The following DHDH variants were observed in gnomAD, a reference collection of about 807,000 sequenced individuals.
The protein encoded by DHDH is trans-1,2-dihydrobenzene-1,2-diol dehydrogenase.
A neutral mutation model predicts 33.2 loss-of-function variants in DHDH; 29 were observed. The observed-to-expected ratio is 0.87, with a 90% CI of 0.65 to 1.19. DHDH has a LOEUF of 1.19. Among genes scored for constraint, DHDH ranks in the 50% most tolerant of loss-of-function variants. The pLI, the probability that DHDH is intolerant of heterozygous loss-of-function variation, is 0.00. For missense variants in DHDH, 431 were observed against 455.0 expected (o/e 0.95, Z 0.48); for synonymous variants, 201 against 187.9 (o/e 1.07, Z -0.57).
chr19:48,939,782 A>G, intron 4 of DHDH, 81 bp downstream of exon 4: 1 of 1,497,344 alleles, frequency 6.7e-7, no homozygotes. Flanking sequence ...ACAAGTCTCC[A>G]AGTCAATGAG....
intron 3 of DHDH, among the ~76,000 whole-genome samples, chr19:48,936,706 A>C (rs2037781322): frequency 1.5e-5 from 2 of 137,842 alleles, no homozygotes; most frequent in Non-Finnish European, 3.1e-5. Context: ...AAACAAGAAA[A>C]AAAACAAACA....
chr19:48,935,149 C>A, intron 2 of DHDH, 38 bp downstream of exon 2: 2 of 1,485,024 alleles, frequency 1.3e-6, no homozygotes, highest in Non-Finnish European at 1.8e-6. Context: ...GGCCGCCGCC[C>A]CTGGAGCGGT....
At chr19:48,941,274 G>A (rs1243641221) in intron 4 of DHDH, among the ~76,000 whole-genome samples, 1 of 152,136 alleles carries the variant, frequency 6.6e-6, no homozygotes, top group Non-Finnish European at 1.5e-5. Context: ...GAGAATTCCT[G>A]ATGTGCAAGC....
At position 48,941,698 on chromosome 19, in the gene DHDH, G is replaced by A. The variant is rs187204157; in HGVS notation, c.620-742G>A. Among the ~76,000 whole-genome samples, 16 of 143,728 alleles carry A rather than the reference G, an allele frequency of 1.1e-4. No individual in the cohort carries two copies. The East Asian group carries it at 2.9e-3, about 26-fold the overall frequency. The allele number at this position is 143,728 out of a possible 152,430, so 94.3% of individuals were successfully genotyped here. ...GGCTTTTTTTTTTTTTTTTTGAGAC[G>A]GGGTCTCACTCTGTCACTTAGGCTG... is the stretch of plus-strand genomic sequence containing the variant. On this transcript the variant is annotated intron_variant, in intron 4 of 6. Coordinates refer to ENST00000221403, the MANE Select transcript of DHDH (RefSeq NM_014475.4).
intron 3 of DHDH, 55 bp from the exon 4 acceptor site, chr19:48,939,394 G>A (rs1387067435): frequency 1.9e-5 from 29 of 1,549,418 alleles, no homozygotes; most frequent in Admixed American, 1.5e-4. Flanking sequence ...CCTATGATTG[G>A]GACCCCAGAA....
At chr19:48,935,213 T>A in intron 2 of DHDH, 102 bp downstream of exon 2, 1 of 881,804 alleles carries the variant, frequency 1.1e-6, no homozygotes, top group Non-Finnish European at 1.6e-6. Context: ...GTCCAATCCC[T>A]TTGGGTTCCA....
At chr19:48,934,165 G>T (rs1261895545) in intron 1 of DHDH, among the ~76,000 whole-genome samples, 1 of 152,228 alleles carries the variant, frequency 6.6e-6, no homozygotes, top group African/African-American at 2.4e-5. Context: ...TTAGGGCTTT[G>T]CAGGATGTGC....
rs376016717 is a variant in DHDH at position 48,935,020 on chromosome 19, C to T, written c.111C>T (p.Arg37=). 11 of 1,572,286 alleles carry T rather than the reference C, an allele frequency of 7.0e-6. No individual in the cohort carries two copies. The highest frequency in any genetic ancestry group is 5.4e-5 in the African/African-American group (4 of 73,810). Residue 37 remains arginine, a synonymous_variant, in exon 2 of 7, where the codon CGC becomes CGT. Coordinates refer to ENST00000221403, the MANE Select transcript of DHDH (RefSeq NM_014475.4). ...TCCAGGTGGTGGCGGTGGCGGCCCG[C>T]GATCTGAGCCGTGCGAAGGAGTTTG... is the stretch of plus-strand genomic sequence containing the variant. ...SEHQVVAVAA[R]DLSRAKEFAQ...
rs375114469 is a variant in DHDH, at chr19:48,942,094, G to A, written c.620-346G>A. ...GCCATCTCGGCTCACTTCAAGCTCC[G>A]CCTCCCACGTTCACGCCATTCTCCT... On this transcript the variant is annotated intron_variant, in intron 4 of 6. Transcript: ENST00000221403. Among the ~76,000 whole-genome samples, 16 of 150,848 alleles carry A rather than the reference G, an allele frequency of 1.1e-4. 1 individual carries two copies. The East Asian group carries it at 2.4e-3, about 22-fold the overall frequency.
intron 1 of DHDH, 93 bp from the exon 2 acceptor site, chr19:48,934,907 C>T: frequency 9.9e-7 from 1 of 1,010,402 alleles, no homozygotes; most frequent in Non-Finnish European, 1.4e-6. Context: ...CACGTCTCCC[C>T]TTCCCCTGGC....
intron 5 of DHDH, among the ~76,000 whole-genome samples, chr19:48,942,920 TG>T (rs1332278054): frequency 6.6e-6 from 1 of 151,438 alleles, no homozygotes; most frequent in African/African-American, 2.4e-5. Flanking sequence ...CTGGGTGTGG[TG>T]GTGGGCGCCT....
At chr19:48,943,566 C>T (rs2037897081) in intron 5 of DHDH, among the ~76,000 whole-genome samples, 1 of 152,022 alleles carries the variant, frequency 6.6e-6, no homozygotes, top group Admixed American at 6.6e-5. Context: ...TGGCTCACAC[C>T]TGTAATCCCA....
At chr19:48,935,934 T>TG in intron 2 of DHDH, 98 bp from the exon 3 acceptor site, 1 of 1,480,452 alleles carries the variant, frequency 6.8e-7, no homozygotes, top group Non-Finnish European at 9.1e-7. Context: ...ACCGACCACC[T>TG]GGTCCCTGGG....
chr19:48,937,811 TA>T (rs539240060), intron 3 of DHDH, among the ~76,000 whole-genome samples: 244 of 127,240 alleles, frequency 1.9e-3, no homozygotes, highest in Admixed American at 2.4e-3. Flanking sequence ...AGACTGTCTT[TA>T]AAAAAAAAAA....
At chr19:48,933,631 G>A, upstream of DHDH, 2 of 1,245,890 alleles carry the variant, frequency 1.6e-6, no homozygotes, top group Non-Finnish European at 2.3e-6. Context: ...ACGGGCGGAG[G>A]ATGGGGACCC....
At position 48,933,803 on chromosome 19, in the gene DHDH, G is replaced by A. The variant is rs544173309; in HGVS notation, c.82G>A (p.Glu28Lys). 6.2e-7 allele frequency: 1 copy of A among 1,609,672 alleles called. No individual in the cohort carries two copies. Among genetic ancestry groups the A allele is most frequent in the South Asian group, 1.1e-5 (1 of 91,086 alleles). ...TAVLQTLPRS[E>K]HQVVAVAARD... ...CGTGCTGCAGACGCTGCCTCGCTCT[G>A]AGCACCAGGTCTGCCCGCCCTCCGG... Residue 28 changes from glutamate to lysine, a missense_variant, in exon 1 of 7, where the codon GAG becomes AAG. Coordinates refer to ENST00000221403, the MANE Select transcript of DHDH (RefSeq NM_014475.4).
intron 1 of DHDH, 36 bp from the exon 2 acceptor site, chr19:48,934,964 C>G: frequency 6.7e-7 from 1 of 1,488,906 alleles, no homozygotes; most frequent in Non-Finnish European, 9.0e-7. Flanking sequence ...CCACGCCTGC[C>G]TCAGCCCCTC....
chr19:48,939,725 C>T, intron 4 of DHDH, 24 bp downstream of exon 4: 4 of 1,564,724 alleles, frequency 2.6e-6, no homozygotes, highest in South Asian at 2.3e-5. Flanking sequence ...TGGAATATTT[C>T]ATGGTGATGG....
rs569060767 is a variant in DHDH, at chr19:48,938,243, T to G, written c.367-1206T>G. Among the ~76,000 whole-genome samples the G allele has an allele frequency of 4.0e-4, 61 of 152,048 alleles. 1 individual carries two copies. The South Asian group carries it at 0.01, about 26-fold the overall frequency. ...TCCCGAGTAGCTGAGATTACAGGCA[T>G]GCACCACCACGCCCGGCTAATTTTT... On this transcript the variant is annotated intron_variant, in intron 3 of 6. Coordinates refer to ENST00000221403, the MANE Select transcript of DHDH (RefSeq NM_014475.4).
Sources: gnomAD v4.1 joint callset for allele counts (sites outside exome capture counted in the v4.1 genomes callset) on GRCh38, gnomAD v4.1.1 for gene constraint, MANE v1.5 for transcripts, NCBI Gene and HGNC (gene_info 2026-07-23, HGNC 2026-07-21) for gene names.